The following PKP4 variants were observed in gnomAD, a reference collection of about 807,000 sequenced individuals.
The protein encoded by PKP4 is plakophilin 4, also known as plakophilin-4.
In PKP4, 90 loss-of-function variants were observed where a neutral mutation model predicts 145.1. The ratio of observed to expected loss-of-function variants is 0.62; its 90% CI spans 0.52 to 0.74. The LOEUF (loss-of-function observed/expected upper bound fraction) is 0.74, where lower values mean the gene tolerates loss of function less well. Among genes scored for constraint, PKP4 ranks in the 30% least tolerant of loss-of-function variants. The pLI is 0.00. For synonymous variants in PKP4, 563 were observed against 577.2 expected (o/e 0.98, Z 0.35); for missense variants, 1,340 against 1,482.7 (o/e 0.90, Z 1.58).
chr2:158,637,360 C>T (rs1218011304), intron 9 of PKP4, among the ~76,000 whole-genome samples: 1 of 152,144 alleles, frequency 6.6e-6, no homozygotes, highest in Non-Finnish European at 1.5e-5. Flanking sequence ...AGCCTTGAGC[C>T]GTGCAGCAGC....
chr2:158,553,614 C>T (rs1471816260), intron 2 of PKP4, among the ~76,000 whole-genome samples: 1 of 142,630 alleles, frequency 7.0e-6, no homozygotes, highest in African/African-American at 2.5e-5. Flanking sequence ...AAGGATACAG[C>T]TTTGGCCTAG....
intron 20 of PKP4, chr2:158,677,464 A>G (rs1047523411): frequency 2.4e-5 from 4 of 167,244 alleles, no homozygotes; most frequent in East Asian, 1.5e-4. Flanking sequence ...TTTAAAGGAT[A>G]CCAGCCCAAA....
At chr2:158,649,122 A>G (rs773153091) in intron 11 of PKP4, among the ~76,000 whole-genome samples, 4 of 152,244 alleles carry the variant, frequency 2.6e-5, no homozygotes, top group African/African-American at 7.2e-5. Context: ...AAAAATGTCT[A>G]TTATGAATAG....
At chr2:158,529,792 C>T (rs943235358) in intron 1 of PKP4, among the ~76,000 whole-genome samples, 1 of 152,142 alleles carries the variant, frequency 6.6e-6, no homozygotes, top group Non-Finnish European at 1.5e-5. Context: ...TGTTTTTAGT[C>T]TCATTAGAGG....
At chr2:158,573,966 G>T (rs1013665985) in intron 2 of PKP4, among the ~76,000 whole-genome samples, 8 of 152,262 alleles carry the variant, frequency 5.3e-5, no homozygotes. Flanking sequence ...CCACCTGCTG[G>T]CAGATGGGAC....
At chr2:158,640,088 T>G (rs968954511) in intron 9 of PKP4, among the ~76,000 whole-genome samples, 1 of 152,260 alleles carries the variant, frequency 6.6e-6, no homozygotes, top group Non-Finnish European at 1.5e-5. Context: ...GAATATAGGA[T>G]GACTGGTCAA....
rs2052180476 is a variant in PKP4 at position 158,621,063 on chromosome 2, A to G, written c.354A>G (p.Thr118=). 6.2e-7 allele frequency: 1 copy of G among 1,614,196 alleles called. No individual in the cohort carries two copies. Among genetic ancestry groups the G allele is most frequent in the South Asian group, 1.1e-5 (1 of 91,090 alleles). The change falls in exon 5 of 22, where the codon ACA becomes ACG. Residue 118 remains threonine (T), a synonymous_variant. Transcript: ENST00000389759. ...AGCCCAACAACTATCTCATCAGGAC[A>G]GAGCCAGAACAAGGAACCCTCTATT... ...AVQPNNYLIR[T]EPEQGTLYSP...
chr2:158,618,168 C>T (rs777532645), intron 4 of PKP4, among the ~76,000 whole-genome samples: 36 of 151,812 alleles, frequency 2.4e-4, no homozygotes, highest in African/African-American at 7.7e-4. Flanking sequence ...GTAGAGACTC[C>T]GTCTCAAAAA....
chr2:158,595,831 G>T (rs963116459), intron 3 of PKP4, among the ~76,000 whole-genome samples: 1 of 152,018 alleles, frequency 6.6e-6, no homozygotes, highest in Non-Finnish European at 1.5e-5. Context: ...TTTCCTTGGG[G>T]AGGGGAAAAA....
chr2:158,464,395 C>A (rs952696627), intron 1 of PKP4, among the ~76,000 whole-genome samples: 1 of 152,090 alleles, frequency 6.6e-6, no homozygotes, highest in African/African-American at 2.4e-5. Flanking sequence ...GATTTGTGCT[C>A]TTCTATAAAA....
chr2:158,523,353 AC>A lies in PKP4; in HGVS notation c.-5-9820del, dbSNP rs1553559293. Among the ~76,000 whole-genome samples the A allele has an allele frequency of 8.1e-3, 520 of 64,198 alleles. 4 individuals carry two copies. The highest frequency in any genetic ancestry group is 0.028 in the African/African-American group (466 of 16,662). 42.1% of individuals were successfully genotyped at this position (64,198 alleles called of 152,430 possible). A position where few individuals can be genotyped will look rare whatever the true frequency, so the allele number is the denominator to read the frequency against. On this transcript the variant is annotated intron_variant, in intron 1 of 21. Coordinates refer to ENST00000389759, the MANE Select transcript of PKP4 (RefSeq NM_003628.6). ...CCCCCGAGCAGCCTAACCGGGAGGC[AC>A]CCCCCCAGCAGGGGCACACTGACAC...
intron 19 of PKP4, among the ~76,000 whole-genome samples, chr2:158,675,214 G>T (rs149861756): frequency 4.6e-5 from 7 of 152,134 alleles, no homozygotes; most frequent in African/African-American, 1.7e-4. Context: ...AGATTAGTAC[G>T]AGCTTGTCCA....
At chr2:158,511,058 G>T (rs754313612) in intron 1 of PKP4, among the ~76,000 whole-genome samples, 29 of 152,208 alleles carry the variant, frequency 1.9e-4, no homozygotes, top group Admixed American at 7.9e-4. Flanking sequence ...CCTGGAGAGA[G>T]CTGGGCAGGA....
chr2:158,589,360 G>C (rs1244129862), intron 3 of PKP4, among the ~76,000 whole-genome samples: 1 of 152,042 alleles, frequency 6.6e-6, no homozygotes, highest in African/African-American at 2.4e-5. Flanking sequence ...TTTACCATTG[G>C]AGTGTCAAGG....
chr2:158,517,741 A>G (rs1009065480), intron 1 of PKP4, among the ~76,000 whole-genome samples: 1 of 145,626 alleles, frequency 6.9e-6, no homozygotes, highest in Admixed American at 6.9e-5. Flanking sequence ...ACATGATGAC[A>G]CCCCGACTCT....
chr2:158,525,915 T>C (rs1221168365), intron 1 of PKP4, among the ~76,000 whole-genome samples: 1 of 150,874 alleles, frequency 6.6e-6, no homozygotes, highest in Non-Finnish European at 1.5e-5. Context: ...ACACGTACAC[T>C]CTCCCAAGAC....
At chr2:158,674,295 A>T (rs2057812517) in intron 19 of PKP4, among the ~76,000 whole-genome samples, 1 of 152,178 alleles carries the variant, frequency 6.6e-6, no homozygotes, top group Admixed American at 6.5e-5. Flanking sequence ...TGGACAGGGG[A>T]TCGGGGTGCC....
intron 1 of PKP4, among the ~76,000 whole-genome samples, chr2:158,515,035 A>G (rs1048731705): frequency 3.9e-5 from 6 of 152,230 alleles, no homozygotes; most frequent in African/African-American, 1.4e-4. Context: ...TTCTGATGTT[A>G]TAATTCAAAA....
chr2:158,617,132 A>G (rs577842093), intron 4 of PKP4, among the ~76,000 whole-genome samples: 2 of 152,222 alleles, frequency 1.3e-5, no homozygotes, highest in South Asian at 2.1e-4. Context: ...GAGCACTCAA[A>G]TGAAATGTAA....
Sources: gnomAD v4.1 joint callset for allele counts (sites outside exome capture counted in the v4.1 genomes callset) on GRCh38, gnomAD v4.1.1 for gene constraint, MANE v1.5 for transcripts, NCBI Gene and HGNC (gene_info 2026-07-23, HGNC 2026-07-21) for gene names.